Variants in COL13A1 observed in about 807,000 individuals in gnomAD.
The protein encoded by COL13A1 is collagen type XIII alpha 1 chain, also known as collagen alpha-1(XIII) chain.
In COL13A1, 89 loss-of-function variants were observed where a neutral mutation model predicts 130.9. The observed-to-expected ratio is 0.68, with a 90% confidence interval of 0.57 to 0.81. The LOEUF is 0.81. COL13A1 is among the 30% of genes least tolerant of loss of function. The pLI is 0.00. For synonymous variants in COL13A1, 402 were observed against 341.6 expected (o/e 1.18, Z -1.95); for missense variants, 879 against 934.6 (o/e 0.94, Z 0.78).
chr10:69,938,755 C>T (rs979622062), intron 34 of COL13A1, among the ~76,000 whole-genome samples: 2 of 152,210 alleles, frequency 1.3e-5, no homozygotes, highest in African/African-American at 4.8e-5. Context: ...ATTATACCCT[C>T]ATGAATGCAT....
intron 17 of COL13A1, among the ~76,000 whole-genome samples, chr10:69,911,962 C>T (rs939780525): frequency 6.6e-6 from 1 of 152,248 alleles, no homozygotes; most frequent in Non-Finnish European, 1.5e-5. Flanking sequence ...TTCCCACTCC[C>T]ACTGAGTGCT....
chr10:69,897,525 C>A, intron 13 of COL13A1: 4 of 1,613,896 alleles, frequency 2.5e-6, no homozygotes. Flanking sequence ...AAATAATTGC[C>A]CTGAAGGTTT....
intron 35 of COL13A1, among the ~76,000 whole-genome samples, chr10:69,941,787 T>C (rs934394371): frequency 3.9e-5 from 6 of 152,206 alleles, no homozygotes; most frequent in African/African-American, 1.4e-4. Context: ...AATTCCCTCC[T>C]GTCCACCTCC....
At chr10:69,830,372 T>C (rs1195982870) in intron 2 of COL13A1, among the ~76,000 whole-genome samples, 1 of 152,226 alleles carries the variant, frequency 6.6e-6, no homozygotes, top group Admixed American at 6.5e-5. Context: ...CAGTATTAAA[T>C]TGCAGTACTT....
At chr10:69,889,366 T>C in intron 9 of COL13A1, 48 bp from the exon 10 acceptor site, 1 of 1,592,838 alleles carries the variant, frequency 6.3e-7, no homozygotes, top group Non-Finnish European at 8.5e-7. Context: ...GGGTGGAACT[T>C]CTGGGCTGCG....
intron 2 of COL13A1, among the ~76,000 whole-genome samples, chr10:69,854,948 G>A (rs1855982657): frequency 6.6e-6 from 1 of 152,130 alleles, no homozygotes; most frequent in South Asian, 2.1e-4. Flanking sequence ...GGAAATCGGA[G>A]GCTCCCCGTT....
intron 1 of COL13A1, among the ~76,000 whole-genome samples, chr10:69,808,278 CCCT>C (rs1842089258): frequency 6.6e-6 from 1 of 152,280 alleles, no homozygotes; most frequent in Admixed American, 6.5e-5. Flanking sequence ...ATGTCTTTTC[CCCT>C]TCTTCTTAAT....
In COL13A1 at chr10:69,893,142, G is replaced by A. The variant is rs932433284; in HGVS notation, c.604-1410G>A. 1.6e-4 allele frequency among the ~76,000 whole-genome samples: 25 copies of A among 152,226 alleles called. 1 individual carries two copies. Among genetic ancestry groups the A allele is most frequent in the African/African-American group, 6.0e-4 (25 of 41,462 alleles). On this transcript the variant is annotated intron_variant, in intron 10 of 40. Transcript: ENST00000645393. ...AGCACGGGCAGATTGCTTGAGTCTG[G>A]GAGTTTGAGAGCAGCCTGGGCAACA...
At chr10:69,946,328 C>CT (rs1292680783) in intron 37 of COL13A1, among the ~76,000 whole-genome samples, 1 of 152,216 alleles carries the variant, frequency 6.6e-6, no homozygotes, top group African/African-American at 2.4e-5. Context: ...GCCATGGCCC[C>CT]TGCCCTCAGA....
At chr10:69,869,862 A>T (rs528755315) in intron 3 of COL13A1, among the ~76,000 whole-genome samples, 1 of 152,330 alleles carries the variant, frequency 6.6e-6, no homozygotes, top group South Asian at 2.1e-4. Flanking sequence ...TCTCTGAAGG[A>T]ATATAGGGAA....
At chr10:69,925,056 C>CA (rs2135702684) in intron 25 of COL13A1, 49 bp downstream of exon 25, 1 of 1,471,978 alleles carries the variant, frequency 6.8e-7, no homozygotes, top group East Asian at 2.6e-5. Context: ...GCTGGTAAAT[C>CA]AAAAAAGCAT....
chr10:69,959,005 AGC>A lies in COL13A1; in HGVS notation c.*305_*306del. On this transcript the variant is annotated 3_prime_UTR_variant, in exon 41 of 41. Transcript: ENST00000645393. ...TTGTGTCCTGGTGCCAAAGGGGGCC[AGC>A]CAGAACTGAGGTGCTGGCTAGCTCA... 2.7e-6 allele frequency: 1 copy of A among 369,704 alleles called. No homozygotes were observed. Among genetic ancestry groups the A allele is most frequent in the South Asian group, 3.9e-5 (1 of 25,626 alleles). 22.9% of individuals were successfully genotyped at this position (369,704 alleles called of 1,614,324 possible).
At chr10:69,920,864 G>A (rs1448662388) in intron 21 of COL13A1, among the ~76,000 whole-genome samples, 3 of 152,192 alleles carry the variant, frequency 2.0e-5, no homozygotes, top group Admixed American at 6.5e-5. Context: ...GACTCAGTAA[G>A]GGGTTGGCCA....
chr10:69,808,876 CAG>C (rs958781221), intron 1 of COL13A1, among the ~76,000 whole-genome samples: 22 of 152,200 alleles, frequency 1.4e-4, no homozygotes, highest in African/African-American at 5.3e-4. Context: ...AGCATTTGCT[CAG>C]GGGGTGTTTC....
chr10:69,835,838 A>G, intron 2 of COL13A1, among the ~76,000 whole-genome samples: 1 of 152,238 alleles, frequency 6.6e-6, no homozygotes, highest in African/African-American at 2.4e-5. Flanking sequence ...AATGATAACA[A>G]CAACATCTAT....
intron 1 of COL13A1, among the ~76,000 whole-genome samples, chr10:69,816,537 C>T (rs965132755): frequency 1.3e-5 from 2 of 151,890 alleles, no homozygotes; most frequent in Admixed American, 1.3e-4. Flanking sequence ...GATGAGGTAC[C>T]CTAGGGAGCC....
chr10:69,842,443 C>T (rs993030825), intron 2 of COL13A1, among the ~76,000 whole-genome samples: 3 of 152,166 alleles, frequency 2.0e-5, no homozygotes, highest in Non-Finnish European at 4.4e-5. Flanking sequence ...AACCAAGTGC[C>T]CTGACACTAA....
chr10:69,885,627 A>G (rs2134459819), intron 7 of COL13A1, among the ~76,000 whole-genome samples: 1 of 152,310 alleles, frequency 6.6e-6, no homozygotes, highest in Admixed American at 6.5e-5. Context: ...CTGTGTGATT[A>G]TCCCTACCAC....
chr10:69,901,567 T>A (rs1372748832), intron 14 of COL13A1, among the ~76,000 whole-genome samples: 4 of 152,066 alleles, frequency 2.6e-5, no homozygotes, highest in African/African-American at 9.7e-5. Flanking sequence ...GCCGCCTGCA[T>A]CCCCCAGCCT....
Sources: gnomAD v4.1 joint callset for allele counts (sites outside exome capture counted in the v4.1 genomes callset) on GRCh38, gnomAD v4.1.1 for gene constraint, MANE v1.5 for transcripts, NCBI Gene and HGNC (gene_info 2026-07-23, HGNC 2026-07-21) for gene names.